Variants in FECH observed in about 807,000 individuals in gnomAD.
FECH encodes ferrochelatase.
Under a neutral mutation model 56.9 loss-of-function variants are expected in FECH, and 40 were observed. The observed-to-expected ratio is 0.70, with a 90% CI of 0.55 to 0.92. FECH has a LOEUF of 0.92. FECH is among the 40% of genes least tolerant of loss of function. The pLI is 0.00. For synonymous variants in FECH, 175 were observed against 198.6 expected (o/e 0.88, Z 1.00); for missense variants, 431 against 529.1 (o/e 0.81, Z 1.82).
In FECH at chr18:57,559,232, A is replaced by T; in HGVS notation, c.717T>A (p.Asp239Glu). ...AATGGTCCAGTTCCTTTAGAATATG[A>T]TCTGCAAAGCACTGAGTGAGTAACA... ...THHLLIQCFA[D>E]HILKELDHFP... Residue 239 changes from aspartate to glutamate, a missense_variant, in exon 7 of 11, where the codon GAT becomes GAA. Physicochemically the swap from Asp to Glu is conservative, Grantham distance 45. Transcript: ENST00000262093. 2 of 1,611,086 alleles carry T rather than the reference A, an allele frequency of 1.2e-6. No homozygotes were observed. The highest frequency in any genetic ancestry group is 1.7e-6 in the Non-Finnish European group (2 of 1,177,318).
chr18:57,556,627 G>A (rs1382359352), intron 7 of FECH, among the ~76,000 whole-genome samples: 1 of 152,106 alleles, frequency 6.6e-6, no homozygotes, highest in Admixed American at 6.5e-5. Flanking sequence ...ATATCAACGT[G>A]TGGTGGGGCG....
At chr18:57,571,630 A>T in intron 3 of FECH, 90 bp from the exon 4 acceptor site, 1 of 1,595,472 alleles carries the variant, frequency 6.3e-7, no homozygotes, top group Non-Finnish European at 8.6e-7. Flanking sequence ...AAAAAAAGCA[A>T]AATTTTAGAG....
intron 2 of FECH, among the ~76,000 whole-genome samples, chr18:57,574,660 G>A (rs1287287528): frequency 1.3e-5 from 2 of 152,256 alleles, no homozygotes; most frequent in African/African-American, 4.8e-5. Context: ...CCCGCCAGAG[G>A]GCAAGGTGAA....
At chr18:57,568,076 A>G (rs1466897551) in intron 4 of FECH, among the ~76,000 whole-genome samples, 2 of 152,224 alleles carry the variant, frequency 1.3e-5, no homozygotes, top group Admixed American at 1.3e-4. Flanking sequence ...AACTATTACA[A>G]TACCATCAAA....
chr18:57,550,461 C>A lies in FECH; in HGVS notation c.*251G>T. The A allele has an allele frequency of 2.2e-6, 1 of 461,376 alleles. No individual in the cohort carries two copies. Among genetic ancestry groups the A allele is most frequent in the Non-Finnish European group, 3.9e-6 (1 of 253,884 alleles). The allele number at this position is 461,376 out of a possible 1,614,324, so 28.6% of individuals were successfully genotyped here. ...AATTTTTAACTCATTTATTAAAGGTCCTGATGGACATTCCAAACTAGTAAC... is the reference window on the plus strand; with the variant it reads ...AATTTTTAACTCATTTATTAAAGGTACTGATGGACATTCCAAACTAGTAAC... On this transcript the variant is annotated 3_prime_UTR_variant, in exon 11 of 11. Transcript: ENST00000262093.
At chr18:57,574,148 G>A (rs2051153468) in intron 2 of FECH, among the ~76,000 whole-genome samples, 1 of 152,058 alleles carries the variant, frequency 6.6e-6, no homozygotes, top group Non-Finnish European at 1.5e-5. Context: ...GGGATTACAC[G>A]CACCCAGGCT....
rs190604320 is a variant in FECH, at chr18:57,546,908, C to T, written c.*3804G>A. On this transcript the variant is annotated 3_prime_UTR_variant, in exon 11 of 11. Coordinates refer to ENST00000262093, the MANE Select transcript of FECH (RefSeq NM_000140.5). ...CCAAGAGGCGGAGGTTGCAGTGAGC[C>T]GAGATCGTGCCACTGTACTCCAGCT... 9.3e-4 allele frequency among the ~76,000 whole-genome samples: 139 copies of T among 149,246 alleles called. No homozygotes were observed. Among genetic ancestry groups the T allele is most frequent in the African/African-American group, 3.2e-3 (130 of 40,318 alleles).
intron 8 of FECH, among the ~76,000 whole-genome samples, chr18:57,554,644 A>G (rs141475781): frequency 1.3e-5 from 2 of 152,326 alleles, no homozygotes; most frequent in East Asian, 3.9e-4. Flanking sequence ...TAAAGGTAAA[A>G]TATTAAACCA....
Position 57,550,644 on chromosome 18 carries a change from C to A in FECH, c.*68G>T, listed in dbSNP as rs2050784708. The A allele has an allele frequency of 6.2e-7, 1 of 1,600,868 alleles. No homozygotes were observed. The highest frequency in any genetic ancestry group is 8.5e-7 in the Non-Finnish European group (1 of 1,169,598). Reference sequence around the variant, plus strand: ...TTCCTTCCTTGATCTCTAAATAACACCCTCTCCACATCGGAGGTATCTGGA... The same window carrying A: ...TTCCTTCCTTGATCTCTAAATAACAACCTCTCCACATCGGAGGTATCTGGA... On this transcript the variant is annotated 3_prime_UTR_variant, in exon 11 of 11. Coordinates refer to ENST00000262093, the MANE Select transcript of FECH (RefSeq NM_000140.5).
At chr18:57,565,818 G>A (rs1379698262) in intron 5 of FECH, among the ~76,000 whole-genome samples, 1 of 152,210 alleles carries the variant, frequency 6.6e-6, no homozygotes, top group Non-Finnish European at 1.5e-5. Flanking sequence ...GTCTGTGGGT[G>A]ACAGTAGCAG....
At chr18:57,578,218 G>A (rs2051210879) in intron 2 of FECH, among the ~76,000 whole-genome samples, 1 of 152,146 alleles carries the variant, frequency 6.6e-6, no homozygotes, top group Non-Finnish European at 1.5e-5. Flanking sequence ...GGGCTGGGAG[G>A]GGCAAGGAGA....
rs918883862 is a variant in FECH, at chr18:57,546,907, C to G, written c.*3805G>C. Among the ~76,000 whole-genome samples the G allele has an allele frequency of 6.6e-6, 1 of 151,144 alleles. No individual in the cohort carries two copies. The highest frequency in any genetic ancestry group is 2.4e-5 in the African/African-American group (1 of 40,910). ...CCCAAGAGGCGGAGGTTGCAGTGAG[C>G]CGAGATCGTGCCACTGTACTCCAGC... On this transcript the variant is annotated 3_prime_UTR_variant, in exon 11 of 11. Transcript: ENST00000262093.
intron 2 of FECH, 76 bp downstream of exon 2, chr18:57,579,997 C>T (rs995145255): frequency 6.9e-6 from 11 of 1,600,374 alleles, no homozygotes; most frequent in Non-Finnish European, 9.4e-6. Context: ...CACCTTTCCT[C>T]CCAGGCAGCT....
chr18:57,552,945 C>T (rs1342100411), intron 9 of FECH, among the ~76,000 whole-genome samples: 1 of 152,138 alleles, frequency 6.6e-6, no homozygotes, highest in Non-Finnish European at 1.5e-5. Context: ...CACCTGTAGT[C>T]CCAGCTACTC....
In FECH at chr18:57,559,019, G is replaced by C. The variant is rs1387937337; in HGVS notation, c.804+126C>G. 4.8e-5 allele frequency: 35 copies of C among 724,932 alleles called. No homozygotes were observed. The East Asian group carries it at 8.0e-4, about 17-fold the overall frequency. 44.9% of individuals were successfully genotyped at this position (724,932 alleles called of 1,614,324 possible). A position where few individuals can be genotyped will look rare whatever the true frequency, so the allele number is the denominator to read the frequency against. On this transcript the variant is annotated intron_variant, in intron 7 of 10. Coordinates refer to ENST00000262093, the MANE Select transcript of FECH (RefSeq NM_000140.5). ...TGAGGCTAGTTAGCACCAAGTCTGA[G>C]ATTTGAGAATTCATTCTTGCACTGG...
chr18:57,550,912 T>C, intron 10 of FECH, 66 bp from the exon 11 acceptor site: 2 of 1,605,004 alleles, frequency 1.2e-6, no homozygotes, highest in Non-Finnish European at 8.5e-7. Context: ...CCATGCCCCC[T>C]CCTCCAGCTG....
At chr18:57,579,313 G>GTGTGTGTGTATA (rs531089366) in intron 2 of FECH, among the ~76,000 whole-genome samples, 72 of 143,846 alleles carry the variant, frequency 5.0e-4, no homozygotes, top group African/African-American at 1.8e-3. Flanking sequence ...GTGTGTGTGT[G>GTGTGTGTGTATA]TATATATTCA....
chr18:57,559,819 A>C (rs541430302), intron 6 of FECH, among the ~76,000 whole-genome samples: 15 of 152,304 alleles, frequency 9.8e-5, no homozygotes, highest in Admixed American at 9.1e-4. Context: ...CATTAAATTC[A>C]CAGAGCCGGG....
intron 9 of FECH, among the ~76,000 whole-genome samples, chr18:57,553,160 C>T (rs1055680414): frequency 2.0e-5 from 3 of 152,128 alleles, no homozygotes; most frequent in African/African-American, 7.2e-5. Context: ...AGCAAGTTCA[C>T]AATTAGCCAA....
Sources: allele counts gnomAD v4.1 joint callset (sites outside exome capture counted in the v4.1 genomes callset), GRCh38; gene constraint gnomAD v4.1.1; transcripts MANE v1.5; gene names NCBI Gene and HGNC (gene_info 2026-07-23, HGNC 2026-07-21).